PSMG1: variants seen among roughly 807,000 people sequenced by gnomAD.
The protein encoded by PSMG1 is Down syndrome critical region gene 2.
A neutral mutation model predicts 37.2 loss-of-function variants in PSMG1; 23 were observed. The observed-to-expected ratio is 0.62, with a 90% confidence interval of 0.44 to 0.88. PSMG1 has a LOEUF of 0.88. Ranked by LOEUF, PSMG1 falls within the 40% of genes least tolerant of loss-of-function variation. The pLI is 0.00. For synonymous variants in PSMG1, 127 were observed against 128.0 expected (o/e 0.99, Z 0.05); for missense variants, 340 against 344.2 (o/e 0.99, Z 0.10).
intron 3 of PSMG1, 62 bp downstream of exon 3, chr21:39,180,223 C>G (rs932037513): frequency 6.7e-7 from 1 of 1,503,120 alleles, no homozygotes; most frequent in Non-Finnish European, 9.0e-7. Context: ...AGTATACTAC[C>G]AGTAAATAAC....
intron 5 of PSMG1, among the ~76,000 whole-genome samples, chr21:39,177,843 C>A (rs1193448892): frequency 6.6e-6 from 1 of 152,054 alleles, no homozygotes; most frequent in Non-Finnish European, 1.5e-5. Flanking sequence ...GATTAAAATT[C>A]TACTGACTAT....
chr21:39,183,168 C>T, intron 1 of PSMG1, 84 bp downstream of exon 1: 1 of 1,412,430 alleles, frequency 7.1e-7, no homozygotes, highest in East Asian at 3.0e-5. Flanking sequence ...ACCGCGGAGC[C>T]CCGGCCTTAG....
chr21:39,181,592 C>T (rs543965096), intron 2 of PSMG1, among the ~76,000 whole-genome samples, 180 bp downstream of exon 2: 9 of 151,688 alleles, frequency 5.9e-5, no homozygotes, highest in African/African-American at 2.2e-4. Flanking sequence ...ACCATCTCTA[C>T]CAAAAACAAA....
At chr21:39,181,901 A>G (rs372057467) in intron 1 of PSMG1, 23 bp from the exon 2 acceptor site, 25 of 1,514,488 alleles carry the variant, frequency 1.7e-5, no homozygotes, top group Non-Finnish European at 2.1e-5. Context: ...ACAAGATGAA[A>G]CTAAAGCAAC....
chr21:39,179,385 G>GA (rs570045411), intron 4 of PSMG1, among the ~76,000 whole-genome samples: 2 of 152,012 alleles, frequency 1.3e-5, no homozygotes, highest in African/African-American at 4.8e-5. Flanking sequence ...GCCGTCCAGA[G>GA]AAAAAAAGTC....
At chr21:39,182,088 G>T (rs142850204) in intron 1 of PSMG1, among the ~76,000 whole-genome samples, 1 of 152,202 alleles carries the variant, frequency 6.6e-6, no homozygotes, top group Non-Finnish European at 1.5e-5. Flanking sequence ...CTAAAATAGT[G>T]ATCAGGCTGT....
Position 39,183,424 on chromosome 21 carries a change from C to G in PSMG1, c.-39G>C, listed in dbSNP as rs770823239. The G allele has an allele frequency of 1.4e-5, 21 of 1,546,126 alleles. No individual in the cohort carries two copies. The African/African-American group carries it at 2.9e-4, about 22-fold the overall frequency. On this transcript the variant is annotated 5_prime_UTR_variant, in exon 1 of 7. Coordinates refer to ENST00000331573, the MANE Select transcript of PSMG1 (RefSeq NM_003720.4). The stretch of plus-strand genomic sequence containing the variant: ...CCGGCTGGACACAACTGCAGCGCCG[C>G]GGGACCGCACGCCGGCTTGCGCGAG...
At chr21:39,181,068 C>T (rs2146410899) in intron 2 of PSMG1, among the ~76,000 whole-genome samples, 1 of 152,142 alleles carries the variant, frequency 6.6e-6, no homozygotes, top group South Asian at 2.1e-4. Flanking sequence ...TAACATAAAC[C>T]CGGATACCTC....
At chr21:39,180,244 T>TA in intron 3 of PSMG1, 41 bp downstream of exon 3, 1 of 1,548,920 alleles carries the variant, frequency 6.5e-7, no homozygotes. Flanking sequence ...ATGTAAGTGA[T>TA]ACTTAAATAA....
At chr21:39,182,482 T>A (rs1030250353) in intron 1 of PSMG1, among the ~76,000 whole-genome samples, 2 of 152,148 alleles carry the variant, frequency 1.3e-5, no homozygotes. Flanking sequence ...TAGGTAAACG[T>A]GAGTGAGCAT....
At chr21:39,182,289 C>T (rs1030613077) in intron 1 of PSMG1, among the ~76,000 whole-genome samples, 1 of 152,184 alleles carries the variant, frequency 6.6e-6, no homozygotes, top group Non-Finnish European at 1.5e-5. Context: ...TTAAGTGACA[C>T]CACAACGAAG....
intron 2 of PSMG1, 52 bp downstream of exon 2, chr21:39,181,720 G>C: frequency 1.7e-6 from 2 of 1,203,012 alleles, no homozygotes; most frequent in East Asian, 2.6e-5. Context: ...AAGAAAATAA[G>C]TATATTTCAT....
chr21:39,178,156 A>G (rs937305085), intron 5 of PSMG1, among the ~76,000 whole-genome samples: 12 of 152,304 alleles, frequency 7.9e-5, no homozygotes, highest in South Asian at 6.2e-4. Flanking sequence ...TGATGCACCA[A>G]TAATTTATAT....
rs2030956113 is a variant in PSMG1 at position 39,183,443 on chromosome 21, G to A, written c.-58C>T. The A allele has an allele frequency of 2.0e-6, 3 of 1,512,624 alleles. No individual in the cohort carries two copies. The highest frequency in any genetic ancestry group is 1.4e-5 in the African/African-American group (1 of 70,276). The allele number at this position is 1,512,624 out of a possible 1,614,324, so 93.7% of individuals were successfully genotyped here. ...GCGCCGCGGGACCGCACGCCGGCTT[G>A]CGCGAGACCACGCTCCCTCACCGCG... On this transcript the variant is annotated 5_prime_UTR_variant, in exon 1 of 7. Transcript: ENST00000331573.
rs2030582187 is a variant in PSMG1 at position 39,175,114 on chromosome 21, A to C, written c.*476T>G. 6.6e-6 allele frequency: 1 copy of C among 152,234 alleles called. No individual in the cohort carries two copies. Among genetic ancestry groups the C allele is most frequent in the Admixed American group, 6.5e-5 (1 of 15,280 alleles). The allele number at this position is 152,234 out of a possible 1,614,324, so 9.4% of individuals were successfully genotyped here. A position where few individuals can be genotyped will look rare whatever the true frequency, so the allele number is the denominator to read the frequency against. On this transcript the variant is annotated 3_prime_UTR_variant, in exon 7 of 7. Coordinates refer to ENST00000331573, the MANE Select transcript of PSMG1 (RefSeq NM_003720.4). ...TAATTAACTACACTTTGCCACATGA[A>C]TACCATCTGCTGATATCTGTAGCTT...
chr21:39,180,434 A>G lies in PSMG1; in HGVS notation c.244T>C (p.Phe82Leu). Residue 82 changes from phenylalanine to leucine, a missense_variant and splice_region_variant, in exon 3 of 7, where the codon TTT (phenylalanine) becomes CTT (leucine). By Grantham distance (22) the Phe-to-Leu change is conservative (BLOSUM62 0). Coordinates refer to ENST00000331573, the MANE Select transcript of PSMG1 (RefSeq NM_003720.4). ...GAATTCATAACAAATGATGACAGAA[A>G]TGCTGTAAAAAACAATTCACATAAG... ...IIAIGNNAVA[F>L]LSSFVMNSGV... 2 of 1,584,354 alleles carry G rather than the reference A, an allele frequency of 1.3e-6. No individual in the cohort carries two copies. Among genetic ancestry groups the G allele is most frequent in the Non-Finnish European group, 1.7e-6 (2 of 1,166,698 alleles).
chr21:39,183,139 C>G (rs11910179), intron 1 of PSMG1, 113 bp downstream of exon 1: 2 of 1,325,348 alleles, frequency 1.5e-6, no homozygotes, highest in African/African-American at 3.1e-5. Flanking sequence ...CGGCGGCAAC[C>G]GCGGGGGCCA....
Position 39,175,554 on chromosome 21 carries a change from G to T in PSMG1, c.*36C>A. Reference sequence around the variant, plus strand: ...TGCAGGCTGCTCCCCTTAAAGGAATGGACAAGTAATATACACTACAAAACA... The same window carrying T: ...TGCAGGCTGCTCCCCTTAAAGGAATTGACAAGTAATATACACTACAAAACA... On this transcript the variant is annotated 3_prime_UTR_variant, in exon 7 of 7. Coordinates refer to ENST00000331573, the MANE Select transcript of PSMG1 (RefSeq NM_003720.4). 6.4e-7 allele frequency: 1 copy of T among 1,573,778 alleles called. No homozygotes were observed. Among genetic ancestry groups the T allele is most frequent in the South Asian group, 1.1e-5 (1 of 87,948 alleles).
chr21:39,179,098 T>A (rs1320354105), intron 4 of PSMG1, among the ~76,000 whole-genome samples: 1 of 152,086 alleles, frequency 6.6e-6, no homozygotes, highest in Non-Finnish European at 1.5e-5. Context: ...TCTCATGCTC[T>A]CGCCATGTGA....
Sources: allele counts gnomAD v4.1 joint callset (sites outside exome capture counted in the v4.1 genomes callset), GRCh38; gene constraint gnomAD v4.1.1; transcripts MANE v1.5; gene names NCBI Gene and HGNC (gene_info 2026-07-23, HGNC 2026-07-21).